Variants in ANO2 observed in about 807,000 individuals in gnomAD.
The protein encoded by ANO2 is anoctamin 2.
In ANO2, 101 loss-of-function variants were observed where a neutral mutation model predicts 124.2. The ratio of observed to expected loss-of-function variants is 0.81; its 90% CI spans 0.69 to 0.96. The LOEUF (loss-of-function observed/expected upper bound fraction) is 0.96. Among genes scored for constraint, ANO2 ranks in the 40% least tolerant of loss-of-function variants. ANO2 has a pLI of 0.00. For missense variants in ANO2, 1,293 were observed against 1,274.5 expected, an observed-to-expected ratio of 1.01 and a Z score of -0.22; for synonymous variants, 486 against 482.5, an observed-to-expected ratio of 1.01 and a Z score of -0.09.
In ANO2 at chr12:5,918,543, G is replaced by T. The variant is rs374344268; in HGVS notation, c.534+2497C>A. Among the ~76,000 whole-genome samples the T allele has an allele frequency of 5.3e-5, 8 of 151,180 alleles. 1 individual carries two copies. Among genetic ancestry groups the T allele is most frequent in the Admixed American group, 5.3e-4 (8 of 15,128 alleles). On this transcript the variant is annotated intron_variant, in intron 3 of 24. Coordinates refer to ENST00000682330, the MANE Select transcript of ANO2 (RefSeq NM_001364791.2). Reference sequence around the variant, plus strand: ...CAACCTCCACCTCCCGGGTTCAAGCGATTCTTCTGCCTCAGCCTCCCAAGT... The same window carrying T: ...CAACCTCCACCTCCCGGGTTCAAGCTATTCTTCTGCCTCAGCCTCCCAAGT...
At chr12:5,566,857 G>A (rs956373355) in intron 23 of ANO2, among the ~76,000 whole-genome samples, 2 of 152,090 alleles carry the variant, frequency 1.3e-5, no homozygotes, top group African/African-American at 4.8e-5. Flanking sequence ...ATTATCACAG[G>A]GCATCTTACC....
intron 2 of ANO2, 34 bp downstream of exon 2, chr12:5,922,586 C>CAGGA: frequency 6.6e-7 from 1 of 1,507,410 alleles, no homozygotes; most frequent in Non-Finnish European, 8.8e-7. Flanking sequence ...CAGGGCTGGC[C>CAGGA]TATCCCCCCA....
chr12:5,795,587 A>C (rs1565674834), intron 10 of ANO2, among the ~76,000 whole-genome samples: 1 of 152,248 alleles, frequency 6.6e-6, no homozygotes, highest in Non-Finnish European at 1.5e-5. Context: ...TGTCACAGGC[A>C]GGCAGTGGCA....
intron 5 of ANO2, among the ~76,000 whole-genome samples, 161 bp from the exon 6 acceptor site, chr12:5,830,650 A>G (rs1954122766): frequency 6.6e-6 from 1 of 152,212 alleles, no homozygotes; most frequent in East Asian, 1.9e-4. Flanking sequence ...CAGTAATTCT[A>G]AAAACGTATT....
intron 11 of ANO2, among the ~76,000 whole-genome samples, chr12:5,750,296 G>A (rs986549859): frequency 7.2e-5 from 11 of 152,044 alleles, no homozygotes; most frequent in African/African-American, 2.2e-4. Flanking sequence ...ATCTCTTGGC[G>A]CTCCAAGAGT....
intron 1 of ANO2, among the ~76,000 whole-genome samples, chr12:5,937,315 G>T (rs182237006): frequency 6.6e-6 from 1 of 152,174 alleles, no homozygotes. Context: ...GACTGGTGAC[G>T]TCGAGGACTT....
Position 5,900,713 on chromosome 12 carries a change from G to A in ANO2, c.534+20327C>T, listed in dbSNP as rs946178738. Among the ~76,000 whole-genome samples, 7 of 152,198 alleles carry A rather than the reference G, an allele frequency of 4.6e-5. No individual in the cohort carries two copies. Among genetic ancestry groups the A allele is most frequent in the Non-Finnish European group, 1.0e-4 (7 of 68,032 alleles). Reference sequence around the variant, plus strand: ...TCCCCTTCCCCATGGGTGGGGCCGGGACAGGAAATGGCCAAGCACACAGCA... The same window carrying A: ...TCCCCTTCCCCATGGGTGGGGCCGGAACAGGAAATGGCCAAGCACACAGCA... On this transcript the variant is annotated intron_variant, in intron 3 of 24. Transcript: ENST00000682330. The surrounding 1 kb of genome is among the most constrained non-coding windows in gnomAD (Gnocchi z 4.2).
chr12:5,824,128 G>T (rs1276340124), intron 7 of ANO2, among the ~76,000 whole-genome samples: 3 of 152,174 alleles, frequency 2.0e-5, no homozygotes, highest in Non-Finnish European at 4.4e-5. Context: ...TGCTGTGAAG[G>T]TCCCTGACAT....
intron 14 of ANO2, among the ~76,000 whole-genome samples, chr12:5,727,794 C>T (rs546709568): frequency 4.6e-5 from 7 of 151,140 alleles, no homozygotes; most frequent in East Asian, 3.9e-4. Context: ...CTTGCCACCA[C>T]GCCCGGCTAC....
At chr12:5,808,577 T>A (rs1187389235) in intron 7 of ANO2, among the ~76,000 whole-genome samples, 1 of 152,172 alleles carries the variant, frequency 6.6e-6, no homozygotes, top group Non-Finnish European at 1.5e-5. Flanking sequence ...TGTCTCGCAC[T>A]TACTTTCTGC....
intron 4 of ANO2, among the ~76,000 whole-genome samples, chr12:5,852,126 C>T (rs1488492084): frequency 1.3e-5 from 2 of 152,100 alleles, no homozygotes; most frequent in Non-Finnish European, 2.9e-5. Flanking sequence ...CAAAACAGGA[C>T]CCCACCAGAA....
chr12:5,720,562 A>G (rs942092832), intron 14 of ANO2, among the ~76,000 whole-genome samples: 3 of 152,018 alleles, frequency 2.0e-5, no homozygotes, highest in African/African-American at 7.2e-5. Flanking sequence ...CTAACATCTC[A>G]CATCCCAATG....
chr12:5,914,467 C>T (rs1300429996), intron 3 of ANO2, among the ~76,000 whole-genome samples: 1 of 152,208 alleles, frequency 6.6e-6, no homozygotes, highest in East Asian at 1.9e-4. Flanking sequence ...TGGATTCACA[C>T]CTGATACCGA....
At chr12:5,929,482 TTCTTTCCTTACTC>T (rs1942255037) in intron 1 of ANO2, among the ~76,000 whole-genome samples, 1 of 92,080 alleles carries the variant, frequency 1.1e-5, no homozygotes, top group African/African-American at 4.4e-5. Flanking sequence ...CTAGTCTATC[TTCTTTCCTTACTC>T]GTCTACCTTC....
In ANO2 at chr12:5,841,900, C is replaced by G. The variant is rs569933196; in HGVS notation, c.634-9297G>C. On this transcript the variant is annotated intron_variant, in intron 4 of 24. Coordinates refer to ENST00000682330, the MANE Select transcript of ANO2 (RefSeq NM_001364791.2). ...TTTTTATTTTTTTGAGACAAGATCT[C>G]ACTCTGTCACCCAGGCTGGAGTGCA... Among the ~76,000 whole-genome samples the G allele has an allele frequency of 3.3e-5, 5 of 152,230 alleles. No individual in the cohort carries two copies. In the East Asian group the frequency reaches 7.7e-4, roughly 23 times the overall value.
At chr12:5,816,525 A>T (rs1209585094) in intron 7 of ANO2, among the ~76,000 whole-genome samples, 3 of 151,986 alleles carry the variant, frequency 2.0e-5, no homozygotes. Flanking sequence ...GACTCTAAAG[A>T]CTCAGCCTAA....
At chr12:5,931,300 C>T (rs1190732844) in intron 1 of ANO2, among the ~76,000 whole-genome samples, 2 of 152,110 alleles carry the variant, frequency 1.3e-5, no homozygotes, top group Non-Finnish European at 2.9e-5. Context: ...GCTCCAAGCA[C>T]AGCAAATGAC....
chr12:5,898,851 T>C (rs1939975623), intron 3 of ANO2, among the ~76,000 whole-genome samples: 1 of 152,212 alleles, frequency 6.6e-6, no homozygotes, highest in Admixed American at 6.5e-5. Flanking sequence ...ATTCACCAAG[T>C]TGTACAATAA....
intron 19 of ANO2, among the ~76,000 whole-genome samples, chr12:5,610,976 T>TC (rs1411215125): frequency 6.9e-6 from 1 of 143,920 alleles, no homozygotes; most frequent in East Asian, 2.0e-4. Flanking sequence ...TCTCTGCTTT[T>TC]TTTTTTTTTT....
Sources: allele counts gnomAD v4.1 joint callset (sites outside exome capture counted in the v4.1 genomes callset), GRCh38; gene constraint gnomAD v4.1.1; non-coding constraint Gnocchi (gnomAD v3.1); transcripts MANE v1.5; gene names NCBI Gene and HGNC (gene_info 2026-07-23, HGNC 2026-07-21).